The following EXOC4 variants were observed in gnomAD, a reference collection of about 807,000 sequenced individuals.
The protein encoded by EXOC4 is SEC8-like 1.
A neutral mutation model predicts 107.2 loss-of-function variants in EXOC4; 71 were observed. That is an observed-to-expected ratio of 0.66 (90% CI 0.55 to 0.81). The LOEUF is 0.81. Among genes scored for constraint, EXOC4 ranks in the 30% least tolerant of loss-of-function variants. The probability of loss-of-function intolerance (pLI) is 0.00; values close to 1 mark genes in which losing one functional copy is unlikely to be tolerated. For missense variants in EXOC4, 1,108 were observed against 1,189.6 expected (o/e 0.93, Z 1.01); for synonymous variants, 456 against 441.2 (o/e 1.03, Z -0.42).
At chr7:133,771,957 C>T (rs1796252135) in intron 10 of EXOC4, among the ~76,000 whole-genome samples, 2 of 151,884 alleles carry the variant, frequency 1.3e-5, no homozygotes, top group Admixed American at 1.3e-4. Flanking sequence ...CATCAGATCC[C>T]TCATAGGCCC....
rs1014160465 is a variant in EXOC4 at position 133,598,680 on chromosome 7, T to A, written c.1418-31365T>A. Among the ~76,000 whole-genome samples the A allele has an allele frequency of 1.3e-4, 20 of 152,250 alleles. No homozygotes were observed. The East Asian group carries it at 3.7e-3, about 28-fold the overall frequency. On this transcript the variant is annotated intron_variant, in intron 9 of 17. Coordinates refer to ENST00000253861, the MANE Select transcript of EXOC4 (RefSeq NM_021807.4). ...ATTTAACATCTGAATTGGGTTGTACTCTAAGTATAAAATGCAAACTGGGCC... is the reference window on the plus strand; with the variant it reads ...ATTTAACATCTGAATTGGGTTGTACACTAAGTATAAAATGCAAACTGGGCC...
chr7:133,579,494 C>T (rs1480324912), intron 9 of EXOC4, among the ~76,000 whole-genome samples: 1 of 152,038 alleles, frequency 6.6e-6, no homozygotes, highest in African/African-American at 2.4e-5. Flanking sequence ...GACTTTTAGA[C>T]TTAAAAAAAT....
intron 9 of EXOC4, among the ~76,000 whole-genome samples, chr7:133,495,206 C>T (rs951312634): frequency 2.0e-5 from 3 of 151,766 alleles, no homozygotes; most frequent in Non-Finnish European, 4.4e-5. Flanking sequence ...GAGCTGAGAT[C>T]ACGCCATTGC....
chr7:133,857,366 T>TATATATATATATATATATATATA (rs1798437702), intron 11 of EXOC4, among the ~76,000 whole-genome samples: 3 of 76,938 alleles, frequency 3.9e-5, no homozygotes, highest in Non-Finnish European at 7.1e-5. Flanking sequence ...TATATATATA[T>TATATATATATATATATATATATA]TTTACCTCTA....
chr7:133,323,020 A>T (rs1486453388), intron 5 of EXOC4, among the ~76,000 whole-genome samples: 3 of 151,848 alleles, frequency 2.0e-5, no homozygotes, highest in Non-Finnish European at 4.4e-5. Context: ...TCTGTCTGTT[A>T]TTGGTGTATA....
intron 11 of EXOC4, among the ~76,000 whole-genome samples, chr7:133,849,151 G>A (rs1798193008): frequency 6.6e-6 from 1 of 152,188 alleles, no homozygotes; most frequent in African/African-American, 2.4e-5. Context: ...TAGAGACCAG[G>A]TGCAGTGAGT....
chr7:133,323,510 T>C (rs1467118120), intron 5 of EXOC4, among the ~76,000 whole-genome samples: 1 of 152,238 alleles, frequency 6.6e-6, no homozygotes, highest in East Asian at 1.9e-4. Flanking sequence ...TGCTGGATTA[T>C]GTTTATTGAT....
At chr7:133,582,433 G>A (rs1801300889) in intron 9 of EXOC4, among the ~76,000 whole-genome samples, 1 of 152,146 alleles carries the variant, frequency 6.6e-6, no homozygotes, top group African/African-American at 2.4e-5. Flanking sequence ...AATTGTTAAA[G>A]TGTCCTTATA....
intron 15 of EXOC4, among the ~76,000 whole-genome samples, chr7:134,002,445 A>G (rs1794551295): frequency 6.6e-6 from 1 of 152,154 alleles, no homozygotes; most frequent in Non-Finnish European, 1.5e-5. Context: ...CACTAAAAAT[A>G]CCATCCAAAA....
At chr7:133,915,212 TAGAG>T (rs1585245158) in intron 12 of EXOC4, among the ~76,000 whole-genome samples, 2 of 150,230 alleles carry the variant, frequency 1.3e-5, no homozygotes, top group Admixed American at 6.6e-5. Context: ...GCAGCTTTGT[TAGAG>T]AGGAATGCAG....
chr7:133,262,508 C>T (rs1037878036), intron 1 of EXOC4, among the ~76,000 whole-genome samples: 1 of 152,082 alleles, frequency 6.6e-6, no homozygotes, highest in Admixed American at 6.6e-5. Flanking sequence ...TTAGGAGACC[C>T]TTTTCTGACT....
At chr7:133,646,590 T>G (rs1802997763) in intron 10 of EXOC4, among the ~76,000 whole-genome samples, 2 of 152,220 alleles carry the variant, frequency 1.3e-5, no homozygotes, top group Non-Finnish European at 2.9e-5. Context: ...TATCCACATG[T>G]GTACTTACTT....
At chr7:134,015,138 C>G (rs879727933) in intron 17 of EXOC4, among the ~76,000 whole-genome samples, 7 of 152,166 alleles carry the variant, frequency 4.6e-5, no homozygotes, top group Non-Finnish European at 8.8e-5. Flanking sequence ...TCAGGGCTGG[C>G]TTTGGGTAAG....
intron 2 of EXOC4, among the ~76,000 whole-genome samples, chr7:133,281,704 A>ATTTTTTTTTTTTTTTTTTTT (rs1029951425): frequency 7.9e-6 from 1 of 126,006 alleles, no homozygotes. Flanking sequence ...TTTCTTTTCT[A>ATTTTTTTTTTTTTTTTTTTT]TTTTTTTTTT....
the EXOC4 span, among the ~76,000 whole-genome samples, chr7:134,076,340 AC>A: frequency 6.6e-6 from 1 of 152,014 alleles, no homozygotes; most frequent in Non-Finnish European, 1.5e-5. Context: ...ACACGGTGAA[AC>A]CCCGTCTCTA....
chr7:133,940,971 A>G lies in EXOC4; in HGVS notation c.2206+2902A>G, dbSNP rs542444548. ...CATGTTTTATTAAGCTTAAGAAGCT[A>G]TTGCTGTGATAGGGTGGAAAAAGTT... On this transcript the variant is annotated intron_variant, in intron 14 of 17. Coordinates refer to ENST00000253861, the MANE Select transcript of EXOC4 (RefSeq NM_021807.4). Among the ~76,000 whole-genome samples, 279 of 151,738 alleles carry G rather than the reference A, an allele frequency of 1.8e-3. 1 individual carries two copies. Among genetic ancestry groups the G allele is most frequent in the Non-Finnish European group, 3.4e-3 (228 of 67,932 alleles).
intron 14 of EXOC4, among the ~76,000 whole-genome samples, chr7:133,947,717 A>G (rs1018306087): frequency 5.9e-5 from 9 of 152,302 alleles, no homozygotes; most frequent in African/African-American, 1.9e-4. Context: ...GGGCATTTCA[A>G]TGTAATTATG....
At chr7:133,642,434 C>G (rs1379081955) in intron 10 of EXOC4, among the ~76,000 whole-genome samples, 4 of 152,202 alleles carry the variant, frequency 2.6e-5, no homozygotes, top group Non-Finnish European at 4.4e-5. Context: ...CTATTTCCCT[C>G]CATCCCCTTT....
At chr7:134,089,113 T>G in the EXOC4 span, among the ~76,000 whole-genome samples, 1 of 152,184 alleles carries the variant, frequency 6.6e-6, no homozygotes, top group Non-Finnish European at 1.5e-5. Flanking sequence ...GTCCTTTTAT[T>G]CCAATGTTCA....
Sources: gnomAD v4.1 joint callset for allele counts (sites outside exome capture counted in the v4.1 genomes callset) on GRCh38, gnomAD v4.1.1 for gene constraint, MANE v1.5 for transcripts, NCBI Gene and HGNC (gene_info 2026-07-23, HGNC 2026-07-21) for gene names.